The following LYPLAL1 variants were observed in gnomAD, a reference collection of about 807,000 sequenced individuals.
The protein encoded by LYPLAL1 is lysophospholipase-like protein 1.
Under a neutral mutation model 19.7 loss-of-function variants are expected in LYPLAL1, and 23 were observed. The observed-to-expected ratio is 1.17, with a 90% CI of 0.84 to 1.65. The LOEUF (loss-of-function observed/expected upper bound fraction) is 1.65. Ranked by LOEUF, LYPLAL1 falls within the 40% of genes most tolerant of loss-of-function variation. LYPLAL1 has a pLI of 0.00. For missense variants in LYPLAL1, 355 were observed against 279.4 expected (o/e 1.27, Z -1.93); for synonymous variants, 119 against 96.3 (o/e 1.24, Z -1.38).
At chr1:219,221,838 G>A in the LYPLAL1 span, among the ~76,000 whole-genome samples, 57 of 152,212 alleles carry the variant, frequency 3.7e-4, no homozygotes, top group African/African-American at 1.3e-3. Flanking sequence ...TCACAGTATA[G>A]GCATGTAAAA....
the LYPLAL1 span, among the ~76,000 whole-genome samples, chr1:219,367,565 C>T: frequency 1.3e-5 from 2 of 151,580 alleles, no homozygotes; most frequent in African/African-American, 4.8e-5. Flanking sequence ...CATAAACACA[C>T]TCTTTGAGGC....
the LYPLAL1 span, among the ~76,000 whole-genome samples, chr1:219,353,655 C>T: frequency 6.6e-6 from 1 of 152,086 alleles, no homozygotes; most frequent in East Asian, 1.9e-4. Context: ...AACTTAACTG[C>T]CTACTCAAAT....
chr1:219,277,834 C>T, the LYPLAL1 span, among the ~76,000 whole-genome samples: 1 of 151,964 alleles, frequency 6.6e-6, no homozygotes, highest in Non-Finnish European at 1.5e-5. Context: ...AAAATTAATT[C>T]AATTCACTGG....
At chr1:219,197,940 C>T (rs1657745061) in intron 3 of LYPLAL1, among the ~76,000 whole-genome samples, 1 of 152,070 alleles carries the variant, frequency 6.6e-6, no homozygotes, top group South Asian at 2.1e-4. Flanking sequence ...TCATGTCTTA[C>T]CAGCCAGATT....
chr1:219,282,036 C>A, the LYPLAL1 span, among the ~76,000 whole-genome samples: 4 of 152,082 alleles, frequency 2.6e-5, no homozygotes, highest in Admixed American at 2.6e-4. Flanking sequence ...GGAGACCAAA[C>A]CCCATAAAAC....
chr1:219,392,769 A>G, the LYPLAL1 span, among the ~76,000 whole-genome samples: 5 of 152,346 alleles, frequency 3.3e-5, no homozygotes, highest in South Asian at 4.1e-4. Context: ...GGAAACATTC[A>G]GAGCTAAAAT....
the LYPLAL1 span, among the ~76,000 whole-genome samples, chr1:219,323,070 C>A: frequency 3.0e-4 from 45 of 152,296 alleles, no homozygotes; most frequent in African/African-American, 1.0e-3. Flanking sequence ...AACTATTTAG[C>A]TAAACAATTC....
the LYPLAL1 span, among the ~76,000 whole-genome samples, chr1:219,377,185 A>G: frequency 6.6e-6 from 1 of 152,208 alleles, no homozygotes; most frequent in African/African-American, 2.4e-5. Context: ...ATAATACAAT[A>G]TGGGTAAATG....
chr1:219,417,627 C>G, the LYPLAL1 span, among the ~76,000 whole-genome samples: 1 of 152,214 alleles, frequency 6.6e-6, no homozygotes, highest in Non-Finnish European at 1.5e-5. Context: ...AGTTCAATCT[C>G]AGTTATTACT....
At chr1:219,226,122 A>G in the LYPLAL1 span, among the ~76,000 whole-genome samples, 2 of 152,278 alleles carry the variant, frequency 1.3e-5, no homozygotes, top group South Asian at 4.1e-4. Flanking sequence ...TGTACCCACT[A>G]CATATTTTGA....
chr1:219,250,757 A>G, the LYPLAL1 span, among the ~76,000 whole-genome samples: 5 of 152,056 alleles, frequency 3.3e-5, no homozygotes, highest in Non-Finnish European at 5.9e-5. Flanking sequence ...TAGTGCTGCA[A>G]TGAACATTCA....
chr1:219,427,040 A>G, the LYPLAL1 span, among the ~76,000 whole-genome samples: 1 of 152,246 alleles, frequency 6.6e-6, no homozygotes, highest in Non-Finnish European at 1.5e-5. Context: ...TTATAATAAT[A>G]TGCTTCATAT....
chr1:219,185,470 A>G (rs1656650844), intron 2 of LYPLAL1, among the ~76,000 whole-genome samples: 1 of 151,854 alleles, frequency 6.6e-6, no homozygotes, highest in South Asian at 2.1e-4. Context: ...GCTAAGTTCC[A>G]CTAATTTTTT....
chr1:219,329,539 C>G, the LYPLAL1 span, among the ~76,000 whole-genome samples: 2 of 152,102 alleles, frequency 1.3e-5, no homozygotes, highest in African/African-American at 4.8e-5. Flanking sequence ...TGGACAAATC[C>G]TTTCCTTCTT....
chr1:219,435,049 G>A, the LYPLAL1 span: 12 of 152,198 alleles, frequency 7.9e-5, no homozygotes, highest in Admixed American at 7.2e-4. Context: ...CACTCTGCGT[G>A]GCAGGCACTG....
chr1:219,439,959 C>CTATATATATATATA, the LYPLAL1 span, among the ~76,000 whole-genome samples: 23 of 131,632 alleles, frequency 1.7e-4, no homozygotes, highest in African/African-American at 6.4e-4. Flanking sequence ...ACAAAACTGA[C>CTATATATATATATA]TATATATATA....
At chr1:219,307,872 A>G in the LYPLAL1 span, among the ~76,000 whole-genome samples, 2 of 152,182 alleles carry the variant, frequency 1.3e-5, no homozygotes, top group Non-Finnish European at 2.9e-5. Flanking sequence ...ACCTCCCACA[A>G]TGATTCTGAG....
chr1:219,408,797 G>A, the LYPLAL1 span, among the ~76,000 whole-genome samples: 1 of 152,178 alleles, frequency 6.6e-6, no homozygotes, highest in Admixed American at 6.5e-5. Context: ...TTGAGAAAAG[G>A]TCTAGTGTAT....
At chr1:219,238,705 A>G in the LYPLAL1 span, among the ~76,000 whole-genome samples, 1 of 152,122 alleles carries the variant, frequency 6.6e-6, no homozygotes, top group Non-Finnish European at 1.5e-5. Flanking sequence ...AATCAAATAG[A>G]AAATAATAAA....
Sources: gnomAD v4.1 joint callset for allele counts (sites outside exome capture counted in the v4.1 genomes callset) on GRCh38, gnomAD v4.1.1 for gene constraint, MANE v1.5 for transcripts, NCBI Gene and HGNC (gene_info 2026-07-23, HGNC 2026-07-21) for gene names.